KCNG2: variants seen among roughly 807,000 people sequenced by gnomAD.
The protein encoded by KCNG2 is potassium voltage-gated channel modifier subfamily G member 2.
A neutral mutation model predicts 12.3 loss-of-function variants in KCNG2; 7 were observed. The observed-to-expected ratio is 0.57, with a 90% confidence interval of 0.32 to 1.07. KCNG2 has a LOEUF of 1.07. Among genes scored for constraint, KCNG2 ranks in the 50% least tolerant of loss-of-function variants. The pLI is 0.04. For missense variants in KCNG2, 703 were observed against 726.0 expected, an observed-to-expected ratio of 0.97 and a Z score of 0.36; for synonymous variants, 414 against 351.4, an observed-to-expected ratio of 1.18 and a Z score of -1.99.
intron 3 of KCNG2, among the ~76,000 whole-genome samples, chr18:79,867,603 G>C (rs112455875): frequency 6.8e-6 from 1 of 146,818 alleles, no homozygotes; most frequent in Non-Finnish European, 1.5e-5. Context: ...TCTGGGGGGG[G>C]ACCGTGAGCT....
chr18:79,826,868 A>G (rs1415412541), intron 1 of KCNG2, among the ~76,000 whole-genome samples: 1 of 152,280 alleles, frequency 6.6e-6, no homozygotes, highest in Non-Finnish European at 1.5e-5. Context: ...TCAGTGAAAG[A>G]AGGTGTGGGA....
intron 3 of KCNG2, among the ~76,000 whole-genome samples, chr18:79,871,242 C>T (rs190445140): frequency 1.1e-4 from 16 of 152,378 alleles, no homozygotes; most frequent in Admixed American, 6.5e-4. Flanking sequence ...TCGCACCTCC[C>T]GCCTCCTGGC....
chr18:79,849,909 T>TGGCCGTGGGAGGAACCCGAGACCCCACCC (rs1978758849), intron 1 of KCNG2, among the ~76,000 whole-genome samples: 1 of 147,016 alleles, frequency 6.8e-6, no homozygotes, highest in South Asian at 2.1e-4. Context: ...AGACCCCACC[T>TGGCCGTGGGAGGAACCCGAGACCCCACCC]GGCCGTGGGA....
intron 1 of KCNG2, among the ~76,000 whole-genome samples, chr18:79,849,140 C>T (rs1473310272): frequency 6.6e-6 from 1 of 152,174 alleles, no homozygotes; most frequent in African/African-American, 2.4e-5. Context: ...CAGCCCCACC[C>T]TGTCTTCAGT....
chr18:79,894,489 A>G (rs200544557), intron 3 of KCNG2, among the ~76,000 whole-genome samples: 715 of 5,740 alleles, frequency 0.12, no homozygotes, highest in African/African-American at 0.15. Context: ...CTAATGTTAC[A>G]ATTGATATAG....
At chr18:79,891,047 T>C (rs932383240) in intron 3 of KCNG2, among the ~76,000 whole-genome samples, 2 of 152,204 alleles carry the variant, frequency 1.3e-5, no homozygotes, top group African/African-American at 4.8e-5. Context: ...TTTTGTCTTC[T>C]GTTTCATTAA....
intron 1 of KCNG2, among the ~76,000 whole-genome samples, chr18:79,814,805 A>C (rs1028661880): frequency 6.6e-6 from 1 of 152,330 alleles, no homozygotes; most frequent in East Asian, 1.9e-4. Flanking sequence ...AAGGCTTAGT[A>C]GAAGTTCTGG....
intron 3 of KCNG2, 38 bp downstream of exon 3, chr18:79,864,329 C>A: frequency 1.2e-6 from 1 of 820,118 alleles, no homozygotes; most frequent in Non-Finnish European, 1.6e-6. Flanking sequence ...CGGGCCGGAG[C>A]TGGGGCTGGG....
chr18:79,834,121 G>A (rs1280624453), intron 1 of KCNG2, among the ~76,000 whole-genome samples: 1 of 152,222 alleles, frequency 6.6e-6, no homozygotes, highest in East Asian at 1.9e-4. Context: ...GTCGAGGTCG[G>A]TATCAGTGAA....
intron 3 of KCNG2, among the ~76,000 whole-genome samples, chr18:79,895,914 G>A (rs1980957684): frequency 1.3e-5 from 2 of 152,142 alleles, no homozygotes; most frequent in Admixed American, 6.5e-5. Flanking sequence ...GCTTTCTTTT[G>A]CATGGGGTGA....
rs548662065 is a variant in KCNG2, at chr18:79,848,143, G to C, written c.-114-8236G>C. On this transcript the variant is annotated intron_variant, in intron 1 of 3. Transcript: ENST00000316249. The stretch of plus-strand genomic sequence containing the variant: ...AAACCCTAGCGTGGGCTCAGCAGCT[G>C]CCAGGGGCCAGTGATGAACGCCAAC... 3.3e-5 allele frequency among the ~76,000 whole-genome samples: 5 copies of C among 152,316 alleles called. No homozygotes were observed. In the South Asian group the frequency reaches 8.3e-4, roughly 25 times the overall value.
chr18:79,870,950 C>T (rs1434577052), intron 3 of KCNG2, among the ~76,000 whole-genome samples: 1 of 152,098 alleles, frequency 6.6e-6, no homozygotes, highest in African/African-American at 2.4e-5. Context: ...GGCGTCAGCT[C>T]ACCCGGTCCT....
rs552866807 is a variant in KCNG2, at chr18:79,890,450, C to T, written c.625-8590C>T. Among the ~76,000 whole-genome samples, 9 of 152,266 alleles carry T rather than the reference C, an allele frequency of 5.9e-5. No individual in the cohort carries two copies. The East Asian group carries it at 1.7e-3, about 29-fold the overall frequency. ...GTACCAAGCACAGCACCCGACAGCA[C>T]GTTTCCAGCCTTTGCCCCTTCCCCC... is the stretch of plus-strand genomic sequence containing the variant. On this transcript the variant is annotated intron_variant, in intron 3 of 3. Coordinates refer to ENST00000316249, the MANE Select transcript of KCNG2 (RefSeq NM_012283.2).
rs117823329 is a variant in KCNG2, at chr18:79,835,806, A to G, written c.-114-20573A>G. 7.6e-3 allele frequency among the ~76,000 whole-genome samples: 1,156 copies of G among 152,360 alleles called. 7 individuals are homozygous for G. Among genetic ancestry groups the G allele is most frequent in the Middle Eastern group, 0.014 (4 of 294 alleles). On this transcript the variant is annotated intron_variant, in intron 1 of 3. Transcript: ENST00000316249. ...ACATATAAAGGAAAGTGATGGCTCT[A>G]CACTTCACTTGAACTGGTAAAATAA...
rs1437074355 is a variant in KCNG2, at chr18:79,876,958, G to A, written c.624+12667G>A. ...AGCTGTGCCGATTTTCTCCAGACAC[G>A]AAGGCACAAAACGAGTTAACGCAGG... On this transcript the variant is annotated intron_variant, in intron 3 of 3. Coordinates refer to ENST00000316249, the MANE Select transcript of KCNG2 (RefSeq NM_012283.2). Among the ~76,000 whole-genome samples the A allele has an allele frequency of 2.6e-5, 4 of 152,350 alleles. No homozygotes were observed. In the East Asian group the frequency reaches 5.8e-4, roughly 22 times the overall value.
intron 3 of KCNG2, among the ~76,000 whole-genome samples, chr18:79,898,714 T>G (rs956943496): frequency 1.3e-5 from 2 of 152,238 alleles, no homozygotes; most frequent in Non-Finnish European, 2.9e-5. Context: ...CACATATAAA[T>G]AGATGTTTCT....
At chr18:79,845,921 C>T (rs1034380532) in intron 1 of KCNG2, among the ~76,000 whole-genome samples, 17 of 151,348 alleles carry the variant, frequency 1.1e-4, no homozygotes, top group Non-Finnish European at 1.5e-5. Flanking sequence ...CCCGTCTCTA[C>T]TAAAAAATAC....
At chr18:79,840,734 G>C (rs1049791862) in intron 1 of KCNG2, among the ~76,000 whole-genome samples, 1 of 152,204 alleles carries the variant, frequency 6.6e-6, no homozygotes, top group African/African-American at 2.4e-5. Context: ...TATTGGTGGA[G>C]GGATATGTAC....
intron 3 of KCNG2, among the ~76,000 whole-genome samples, chr18:79,887,008 G>A (rs12454766): frequency 0.035 from 2,500 of 71,986 alleles, 20 homozygotes; most frequent in East Asian, 0.13. Flanking sequence ...TGGGGACAGG[G>A]ACATGGGGAC....
Sources: gnomAD v4.1 joint callset for allele counts (sites outside exome capture counted in the v4.1 genomes callset) on GRCh38, gnomAD v4.1.1 for gene constraint, MANE v1.5 for transcripts, NCBI Gene and HGNC (gene_info 2026-07-23, HGNC 2026-07-21) for gene names.